The following SLC39A8 variants were observed in gnomAD, a reference collection of about 807,000 sequenced individuals.
SLC39A8 encodes solute carrier family 39 member 8, also known as metal cation symporter ZIP8.
SLC39A8 carries 15 observed loss-of-function variants against 40.4 expected under a neutral mutation model. That is an observed-to-expected ratio of 0.37 (90% CI 0.25 to 0.57). SLC39A8 has a LOEUF of 0.57. Among genes scored for constraint, SLC39A8 ranks in the 20% least tolerant of loss-of-function variants. The probability of loss-of-function intolerance (pLI) is 0.75; values close to 1 mark genes in which losing one functional copy is unlikely to be tolerated. For synonymous variants in SLC39A8, 223 were observed against 221.6 expected (o/e 1.01, Z -0.06); for missense variants, 472 against 558.8 (o/e 0.84, Z 1.57).
rs147715009 is a variant in SLC39A8, at chr4:102,298,708, C to G, written c.840+5609G>C. ...GAATAAAGACATAAAACTGCAAGGACAGGAGGAAAGAGAGACAACATGACA... is the reference window on the plus strand; with the variant it reads ...GAATAAAGACATAAAACTGCAAGGAGAGGAGGAAAGAGAGACAACATGACA... On this transcript the variant is annotated intron_variant, in intron 6 of 8. Coordinates refer to ENST00000356736, the MANE Select transcript of SLC39A8 (RefSeq NM_001135146.2). 2.5e-3 allele frequency among the ~76,000 whole-genome samples: 373 copies of G among 151,964 alleles called. 8 individuals carry two copies. Among genetic ancestry groups the G allele is most frequent in the East Asian group, 0.011 (56 of 5,142 alleles).
At chr4:102,265,096 T>C (rs1225422341) in intron 8 of SLC39A8, among the ~76,000 whole-genome samples, 1 of 152,238 alleles carries the variant, frequency 6.6e-6, no homozygotes, top group Admixed American at 6.5e-5. Flanking sequence ...CTGGGCTATC[T>C]GGCAAACAAA....
At chr4:102,343,522 C>A (rs1357367267) in intron 2 of SLC39A8, among the ~76,000 whole-genome samples, 1 of 152,092 alleles carries the variant, frequency 6.6e-6, no homozygotes, top group Non-Finnish European at 1.5e-5. Flanking sequence ...GTCAGTGGGA[C>A]AGGAGTAAAG....
In SLC39A8 at chr4:102,311,875, T is replaced by G. The variant is rs552973837; in HGVS notation, c.382+3793A>C. ...GATGAGCTAAAGACTTGACTCTTCATTAAGTGAAAAGTTATATGAAAAATC... is the reference window on the plus strand; with the variant it reads ...GATGAGCTAAAGACTTGACTCTTCAGTAAGTGAAAAGTTATATGAAAAATC... On this transcript the variant is annotated intron_variant, in intron 3 of 8. Coordinates refer to ENST00000356736, the MANE Select transcript of SLC39A8 (RefSeq NM_001135146.2). 2.6e-4 allele frequency among the ~76,000 whole-genome samples: 39 copies of G among 152,216 alleles called. 1 individual carries two copies. The South Asian group carries it at 7.9e-3, about 31-fold the overall frequency.
At chr4:102,334,626 CT>C (rs754341643) in intron 2 of SLC39A8, among the ~76,000 whole-genome samples, 2 of 152,176 alleles carry the variant, frequency 1.3e-5, no homozygotes, top group Non-Finnish European at 2.9e-5. Flanking sequence ...TTCCCAGTGG[CT>C]TCAAGAAAAT....
chr4:102,286,823 A>G (rs917349387), intron 6 of SLC39A8, among the ~76,000 whole-genome samples: 1 of 152,114 alleles, frequency 6.6e-6, no homozygotes, highest in African/African-American at 2.4e-5. Flanking sequence ...GCAATCCTCA[A>G]CTCACTACAA....
At chr4:102,343,440 G>A (rs1736026012) in intron 2 of SLC39A8, among the ~76,000 whole-genome samples, 1 of 152,130 alleles carries the variant, frequency 6.6e-6, no homozygotes, top group South Asian at 2.1e-4. Context: ...AAAACTTCTT[G>A]TAACAAACTA....
chr4:102,288,552 A>G (rs1238749039), intron 6 of SLC39A8, among the ~76,000 whole-genome samples: 1 of 152,190 alleles, frequency 6.6e-6, no homozygotes, highest in East Asian at 1.9e-4. Context: ...AAAACATGTC[A>G]AAAGCCAAGA....
At chr4:102,270,416 C>T (rs572808347) in intron 6 of SLC39A8, among the ~76,000 whole-genome samples, 16 of 152,140 alleles carry the variant, frequency 1.1e-4, no homozygotes, top group Non-Finnish European at 2.2e-4. Flanking sequence ...AGTCAGCAAA[C>T]CTTCACAGAA....
rs1335842832 is a variant in SLC39A8, at chr4:102,344,638, C to T, written c.25G>A (p.Gly9Arg). 2 of 1,537,246 alleles carry T rather than the reference C, an allele frequency of 1.3e-6. No homozygotes were observed. The highest frequency in any genetic ancestry group is 1.8e-6 in the Non-Finnish European group (2 of 1,142,698). ...CCGGCGGCCGCCAGCAACAGGAGCC[C>T]GGCCACCGCGCGACCCGGGGCCATC... is the stretch of plus-strand genomic sequence containing the variant. Reference protein sequence around the residue: MAPGRAVAGLLLLAAAGLG... With the variant: MAPGRAVARLLLLAAAGLG... The change falls in exon 2 of 9, where the codon GGG (glycine) becomes AGG (arginine). Residue 9 changes from glycine to arginine, a missense_variant. Gly to Arg is a moderately radical substitution (Grantham distance 125). Around this residue, in one of 4 missense-constraint regions of SLC39A8, gnomAD observed 175 missense variants for 160.5 expected, o/e 1.09. Transcript: ENST00000356736.
intron 2 of SLC39A8, among the ~76,000 whole-genome samples, chr4:102,333,909 G>T (rs1735567955): frequency 6.6e-6 from 1 of 152,150 alleles, no homozygotes; most frequent in South Asian, 2.1e-4. Context: ...AGCCAGAGAA[G>T]TAAGAAAAAC....
intron 6 of SLC39A8, among the ~76,000 whole-genome samples, chr4:102,278,766 A>G (rs1277690705): frequency 6.6e-6 from 1 of 152,212 alleles, no homozygotes; most frequent in Non-Finnish European, 1.5e-5. Context: ...TAGAATGGAT[A>G]AAGAAAATGT....
intron 8 of SLC39A8, among the ~76,000 whole-genome samples, chr4:102,265,061 A>G (rs560361487): frequency 7.2e-5 from 11 of 152,276 alleles, no homozygotes; most frequent in Non-Finnish European, 1.5e-4. Context: ...AATTTCCTTC[A>G]TCAATCCTTT....
chr4:102,271,200 A>G (rs1367879231), intron 6 of SLC39A8, among the ~76,000 whole-genome samples: 1 of 152,130 alleles, frequency 6.6e-6, no homozygotes, highest in African/African-American at 2.4e-5. Flanking sequence ...AGGAGCAGGA[A>G]GAGGACTAAA....
chr4:102,274,750 T>A (rs1055045646), intron 6 of SLC39A8, among the ~76,000 whole-genome samples: 1 of 152,138 alleles, frequency 6.6e-6, no homozygotes, highest in Non-Finnish European at 1.5e-5. Context: ...TAACAGCGGC[T>A]CTCTCTACAG....
chr4:102,315,132 C>G (rs754952361), intron 3 of SLC39A8, among the ~76,000 whole-genome samples: 18 of 152,198 alleles, frequency 1.2e-4, no homozygotes, highest in Middle Eastern at 6.9e-3. Context: ...TGCATCAGAT[C>G]ATACCGTTAA....
chr4:102,337,927 C>T (rs2149055654), intron 2 of SLC39A8, among the ~76,000 whole-genome samples: 1 of 152,224 alleles, frequency 6.6e-6, no homozygotes, highest in Admixed American at 6.5e-5. Flanking sequence ...GAAAATTCAT[C>T]ACATTTGGTA....
chr4:102,266,333 A>G (rs1217425227), intron 8 of SLC39A8, among the ~76,000 whole-genome samples: 1 of 152,072 alleles, frequency 6.6e-6, no homozygotes, highest in African/African-American at 2.4e-5. Context: ...TAATTTTGTG[A>G]CAAAAGTTAT....
chr4:102,330,750 A>T (rs1337219505), intron 2 of SLC39A8, among the ~76,000 whole-genome samples: 1 of 152,246 alleles, frequency 6.6e-6, no homozygotes. Flanking sequence ...AATATCCCTG[A>T]TGAACATGGA....
intron 2 of SLC39A8, among the ~76,000 whole-genome samples, chr4:102,320,162 TATATAC>T (rs1490391766): frequency 2.7e-5 from 2 of 73,812 alleles, no homozygotes; most frequent in African/African-American, 1.2e-4. Flanking sequence ...CTCTCATATA[TATATAC>T]ATATATATAT....
Sources: gnomAD v4.1 joint callset for allele counts (sites outside exome capture counted in the v4.1 genomes callset) on GRCh38, gnomAD v4.1.1 for gene constraint, gnomAD v4.1.1 regional missense constraint, MANE v1.5 for transcripts, NCBI Gene and HGNC (gene_info 2026-07-23, HGNC 2026-07-21) for gene names.